The following COBL variants were observed in gnomAD, a reference collection of about 807,000 sequenced individuals.
The protein encoded by COBL is cordon-bleu WH2 repeat protein, also known as protein cordon-bleu.
In COBL, 51 loss-of-function variants were observed where a neutral mutation model predicts 98.8. The observed-to-expected ratio is 0.52, with a 90% confidence interval of 0.41 to 0.65. The LOEUF (loss-of-function observed/expected upper bound fraction) is 0.65. Among genes scored for constraint, COBL ranks in the 30% least tolerant of loss-of-function variants. The pLI, the probability that COBL is intolerant of heterozygous loss-of-function variation, is 0.00. For missense variants in COBL, 1,617 were observed against 1,617.5 expected, an observed-to-expected ratio of 1.00 and a Z score of 0.01; for synonymous variants, 634 against 651.7, an observed-to-expected ratio of 0.97 and a Z score of 0.41.
chr7:51,073,320 A>C (rs1252152053), intron 7 of COBL: 1 of 693,240 alleles, frequency 1.4e-6, no homozygotes, highest in East Asian at 2.7e-5. Flanking sequence ...GAAAGGTCCG[A>C]GGTCAGGAAG....
At chr7:51,034,081 T>C (rs78086872) in intron 8 of COBL, 8 of 152,986 alleles carry the variant, frequency 5.2e-5, no homozygotes, top group Non-Finnish European at 1.2e-4. Context: ...CTGTGTTTTT[T>C]CCTGTCCAGC....
intron 8 of COBL, chr7:51,034,642 T>C (rs1281097440): frequency 6.6e-6 from 1 of 152,226 alleles, no homozygotes; most frequent in East Asian, 1.9e-4. Context: ...TTTATGCCCT[T>C]AGTCACTGGG....
At chr7:51,026,238 A>G (rs1418245994) in intron 11 of COBL, among the ~76,000 whole-genome samples, 1 of 152,234 alleles carries the variant, frequency 6.6e-6, no homozygotes, top group African/African-American at 2.4e-5. Flanking sequence ...GAAGCCTGGA[A>G]ACCACCCTAG....
intron 1 of COBL, among the ~76,000 whole-genome samples, chr7:51,236,366 A>T (rs1261671045): frequency 6.6e-6 from 1 of 152,154 alleles, no homozygotes. Context: ...TTTCCAGGGG[A>T]GATGCATGAA....
chr7:51,299,171 T>A (rs1349302490), intron 1 of COBL, among the ~76,000 whole-genome samples: 2 of 148,798 alleles, frequency 1.3e-5, no homozygotes, highest in Non-Finnish European at 3.0e-5. Context: ...CACACATACA[T>A]ACACACACAC....
intron 1 of COBL, among the ~76,000 whole-genome samples, chr7:51,312,254 C>T (rs754163440): frequency 1.3e-5 from 2 of 152,040 alleles, no homozygotes; most frequent in African/African-American, 2.4e-5. Context: ...TCGCTTGAAC[C>T]GAGGAAGTGG....
chr7:51,182,153 G>T (rs1487724569), intron 5 of COBL, among the ~76,000 whole-genome samples: 2 of 152,090 alleles, frequency 1.3e-5, no homozygotes, highest in East Asian at 3.9e-4. Flanking sequence ...CTGTGAACTG[G>T]TGTCCTCAGG....
intron 6 of COBL, among the ~76,000 whole-genome samples, chr7:51,094,772 G>A (rs1252194546): frequency 6.6e-6 from 1 of 152,034 alleles, no homozygotes; most frequent in South Asian, 2.1e-4. Flanking sequence ...TTTAATTCTG[G>A]TAGAGAATTT....
chr7:51,271,470 G>A (rs993857797), intron 1 of COBL, among the ~76,000 whole-genome samples: 2 of 152,142 alleles, frequency 1.3e-5, no homozygotes, highest in Non-Finnish European at 2.9e-5. Context: ...CGTCAGTCAC[G>A]GTTAACTGCT....
chr7:51,239,086 G>T (rs898539609), intron 1 of COBL, among the ~76,000 whole-genome samples: 2 of 152,196 alleles, frequency 1.3e-5, no homozygotes, highest in African/African-American at 4.8e-5. Flanking sequence ...ACTGTTATCT[G>T]TACCTTTGGG....
intron 5 of COBL, among the ~76,000 whole-genome samples, chr7:51,171,357 A>T (rs931443716): frequency 6.6e-6 from 1 of 152,244 alleles, no homozygotes; most frequent in Non-Finnish European, 1.5e-5. Flanking sequence ...TCTCTATGTG[A>T]TTTTTGGCAT....
intron 5 of COBL, chr7:51,156,199 C>T: frequency 1.0e-6 from 1 of 984,614 alleles, no homozygotes; most frequent in Non-Finnish European, 1.2e-6. Context: ...TCTGCACACA[C>T]ACACACACAC....
intron 8 of COBL, chr7:51,033,838 A>G (rs1788375408): frequency 6.6e-6 from 1 of 152,232 alleles, no homozygotes; most frequent in Admixed American, 6.5e-5. Context: ...TAGCAATCTT[A>G]GTGCGTGGCT....
chr7:51,027,861 C>A lies in COBL; in HGVS notation c.3235G>T (p.Glu1079Ter), dbSNP rs1240695894. 1 of 1,614,258 alleles carries A rather than the reference C, an allele frequency of 6.2e-7. No homozygotes were observed. Among genetic ancestry groups the A allele is most frequent in the South Asian group, 1.1e-5 (1 of 91,090 alleles). The change falls in exon 10 of 13, where the codon GAA becomes TAA. Residue 1079 changes from glutamate (E) to a stop codon, truncating the protein, a stop_gained. Transcript: ENST00000265136. LOFTEE classifies it high-confidence loss of function. ...KPSVFSTDGN[E>*]TDSIWPPSIF... ...CTGGGTGGCCAAATACTGTCTGTTT[C>A]ATTTCCATCTGTAGAGAACACACTG... is the stretch of plus-strand genomic sequence containing the variant.
chr7:51,264,672 CA>C (rs5884201), intron 1 of COBL, among the ~76,000 whole-genome samples: 2,611 of 47,786 alleles, frequency 0.055, 35 homozygotes, highest in African/African-American at 0.13. Flanking sequence ...CTCCATCTCC[CA>C]AAAAAAAAAA....
chr7:51,083,515 A>T (rs991815359), intron 7 of COBL, among the ~76,000 whole-genome samples: 2 of 152,220 alleles, frequency 1.3e-5, no homozygotes, highest in Non-Finnish European at 2.9e-5. Flanking sequence ...ACACAACTAC[A>T]TAAATGCTGG....
At chr7:51,083,155 T>TGGGGGGGGGGGG in intron 7 of COBL, 1 of 605,248 alleles carries the variant, frequency 1.7e-6, no homozygotes, top group Non-Finnish European at 2.3e-6. Context: ...AGGGCGGGGG[T>TGGGGGGGGGGGG]GGGGGAAGCA....
intron 6 of COBL, among the ~76,000 whole-genome samples, chr7:51,123,587 T>G (rs1210336674): frequency 6.6e-6 from 1 of 152,180 alleles, no homozygotes; most frequent in Non-Finnish European, 1.5e-5. Flanking sequence ...AAGAAAACAC[T>G]CCAGTGAAAA....
intron 1 of COBL, among the ~76,000 whole-genome samples, chr7:51,283,868 A>G (rs974534792): frequency 6.6e-6 from 1 of 152,130 alleles, no homozygotes; most frequent in South Asian, 2.1e-4. Flanking sequence ...AGCATTTAAA[A>G]TGAAAAACAA....
Sources: gnomAD v4.1 joint callset for allele counts (sites outside exome capture counted in the v4.1 genomes callset) on GRCh38, gnomAD v4.1.1 for gene constraint, MANE v1.5 for transcripts, NCBI Gene and HGNC (gene_info 2026-07-23, HGNC 2026-07-21) for gene names.